PRR16: variants seen among roughly 807,000 people sequenced by gnomAD.
The protein encoded by PRR16 is protein Largen.
PRR16 carries 6 observed loss-of-function variants against 18.2 expected under a neutral mutation model. That is an observed-to-expected ratio of 0.33 (90% confidence interval 0.18 to 0.65). PRR16 has a LOEUF of 0.65. PRR16 is among the 30% of genes least tolerant of loss of function. PRR16 has a pLI of 0.74. For synonymous variants in PRR16, 151 were observed against 147.8 expected (o/e 1.02, Z -0.16); for missense variants, 412 against 376.6 (o/e 1.09, Z -0.78).
At chr5:120,768,529 C>A in the PRR16 span, among the ~76,000 whole-genome samples, 2 of 151,454 alleles carry the variant, frequency 1.3e-5, no homozygotes, top group Admixed American at 1.3e-4. Context: ...GAATACCTAC[C>A]TTCAGGAACT....
At chr5:120,726,868 G>T in the PRR16 span, among the ~76,000 whole-genome samples, 2 of 152,108 alleles carry the variant, frequency 1.3e-5, no homozygotes, top group South Asian at 2.1e-4. Flanking sequence ...AAACTGCCTT[G>T]TTCTTCTACC....
the PRR16 span, among the ~76,000 whole-genome samples, chr5:120,733,096 A>G: frequency 3.3e-5 from 5 of 152,176 alleles, no homozygotes; most frequent in African/African-American, 1.2e-4. Context: ...ATAAGACTGA[A>G]GTATTCTAGT....
the PRR16 span, among the ~76,000 whole-genome samples, chr5:120,783,223 A>G: frequency 2.6e-5 from 4 of 152,224 alleles, no homozygotes; most frequent in African/African-American, 4.8e-5. Context: ...ATCATTTTCA[A>G]TGTGATTTAC....
chr5:120,755,203 T>TA, the PRR16 span, among the ~76,000 whole-genome samples: 6 of 151,466 alleles, frequency 4.0e-5, no homozygotes, highest in African/African-American at 4.9e-5. Context: ...TAATAAAATT[T>TA]AAAAAAAATC....
chr5:120,501,403 G>T lies in PRR16; in HGVS notation c.159+36758G>T, dbSNP rs192115173. ...AGAAAGAAACAAAATGTGACTTGGA[G>T]ATATTAAACACACACACATACACAC... On this transcript the variant is annotated intron_variant, in intron 1 of 1. Transcript: ENST00000407149. Among the ~76,000 whole-genome samples, 22 of 145,410 alleles carry T rather than the reference G, an allele frequency of 1.5e-4. No homozygotes were observed. In the East Asian group the frequency reaches 4.2e-3, roughly 28 times the overall value.
chr5:120,487,046 G>A (rs1364892635), intron 1 of PRR16, among the ~76,000 whole-genome samples: 1 of 152,152 alleles, frequency 6.6e-6, no homozygotes, highest in African/African-American at 2.4e-5. Context: ...TTTGGTTACT[G>A]TAGCCTTGTA....
chr5:120,790,849 A>T, the PRR16 span: 3 of 84,026 alleles, frequency 3.6e-5, no homozygotes, highest in Non-Finnish European at 8.8e-5. Context: ...CTTCTTTCAA[A>T]AAAAAAAAAT....
At chr5:120,666,233 A>G (rs1275726357) in intron 1 of PRR16, among the ~76,000 whole-genome samples, 2 of 152,196 alleles carry the variant, frequency 1.3e-5, no homozygotes, top group South Asian at 2.1e-4. Flanking sequence ...GTGAATGGGA[A>G]TTCACTCATG....
At chr5:120,749,132 A>G in the PRR16 span, among the ~76,000 whole-genome samples, 1 of 152,162 alleles carries the variant, frequency 6.6e-6, no homozygotes, top group Non-Finnish European at 1.5e-5. Flanking sequence ...GCATATATCT[A>G]TAAATTAAAA....
chr5:120,504,869 A>G (rs751552126), intron 1 of PRR16, among the ~76,000 whole-genome samples: 1 of 152,160 alleles, frequency 6.6e-6, no homozygotes, highest in Non-Finnish European at 1.5e-5. Flanking sequence ...CCCAAGGCCC[A>G]TAGTTACAGA....
the PRR16 span, among the ~76,000 whole-genome samples, chr5:120,751,000 AT>A: frequency 6.6e-6 from 1 of 152,008 alleles, no homozygotes; most frequent in Non-Finnish European, 1.5e-5. Flanking sequence ...CCATGAGATC[AT>A]TTTTTTAGCT....
intron 1 of PRR16, among the ~76,000 whole-genome samples, chr5:120,633,349 A>T (rs1755120922): frequency 1.3e-5 from 2 of 152,164 alleles, no homozygotes; most frequent in African/African-American, 2.4e-5. Flanking sequence ...CAGCATGATG[A>T]ATAGAATAGT....
At chr5:120,676,518 A>ATG (rs1297345363) in intron 1 of PRR16, among the ~76,000 whole-genome samples, 2 of 36,934 alleles carry the variant, frequency 5.4e-5, no homozygotes, top group Non-Finnish European at 1.4e-4. Flanking sequence ...ATATATATAT[A>ATG]TATATGTGTG....
At chr5:120,773,430 A>G in the PRR16 span, among the ~76,000 whole-genome samples, 3,685 of 152,224 alleles carry the variant, frequency 0.024, 158 homozygotes, top group African/African-American at 0.085. Flanking sequence ...TATCAAATCA[A>G]TGTTCTAGTC....
intron 1 of PRR16, among the ~76,000 whole-genome samples, chr5:120,643,909 A>G (rs886343504): frequency 6.6e-6 from 1 of 152,064 alleles, no homozygotes; most frequent in Non-Finnish European, 1.5e-5. Flanking sequence ...GGAAGCTGAG[A>G]CAGGAAAATT....
At chr5:120,499,670 A>G (rs1386616221) in intron 1 of PRR16, among the ~76,000 whole-genome samples, 6 of 151,098 alleles carry the variant, frequency 4.0e-5, no homozygotes, top group African/African-American at 1.5e-4. Context: ...ATTTTGTTTC[A>G]ACATGTTTAT....
At chr5:120,601,732 GA>G (rs1753989008) in intron 1 of PRR16, among the ~76,000 whole-genome samples, 1 of 151,692 alleles carries the variant, frequency 6.6e-6, no homozygotes, top group Non-Finnish European at 1.5e-5. Context: ...ATTTTAAGTT[GA>G]TTTTTTTAAT....
chr5:120,672,657 C>T (rs1756651252), intron 1 of PRR16, among the ~76,000 whole-genome samples: 1 of 151,796 alleles, frequency 6.6e-6, no homozygotes, highest in African/African-American at 2.4e-5. Flanking sequence ...ACAGCATACT[C>T]TTATTCTTAT....
intron 1 of PRR16, among the ~76,000 whole-genome samples, chr5:120,581,195 C>T (rs927028796): frequency 3.4e-4 from 52 of 152,280 alleles, no homozygotes; most frequent in African/African-American, 1.2e-3. Flanking sequence ...ACCTCAATTT[C>T]AGAGCTTGTT....
Sources: allele counts gnomAD v4.1 joint callset (sites outside exome capture counted in the v4.1 genomes callset), GRCh38; gene constraint gnomAD v4.1.1; transcripts MANE v1.5; gene names NCBI Gene and HGNC (gene_info 2026-07-23, HGNC 2026-07-21).